The following XPOT variants were observed in gnomAD, a reference collection of about 807,000 sequenced individuals.
The protein encoded by XPOT is exportin-T.
Under a neutral mutation model 128.2 loss-of-function variants are expected in XPOT, and 34 were observed. That is an observed-to-expected ratio of 0.27 (90% CI 0.20 to 0.35). XPOT has a LOEUF of 0.35. XPOT is among the 10% of genes least tolerant of loss of function. The pLI is 1.00. For missense variants in XPOT, 838 were observed against 1,125.3 expected (o/e 0.74, Z 3.65); for synonymous variants, 348 against 394.3 (o/e 0.88, Z 1.39).
At chr12:64,432,454 C>G (rs2040248013) in intron 18 of XPOT, among the ~76,000 whole-genome samples, 1 of 152,120 alleles carries the variant, frequency 6.6e-6, no homozygotes, top group African/African-American at 2.4e-5. Context: ...CCATGTTGAC[C>G]AGGCTAATCT....
rs943059117 is a variant in XPOT at position 64,449,170 on chromosome 12, G to A, written c.*1039G>A. 2.7e-4 allele frequency: 40 copies of A among 149,538 alleles called. No homozygotes were observed. Among genetic ancestry groups the A allele is most frequent in the African/African-American group, 9.6e-4 (39 of 40,478 alleles). The allele number at this position is 149,538 out of a possible 1,614,324, so 9.3% of individuals were successfully genotyped here. ...AGATTGTGCCACTGCACGCCAGCCT[G>A]GGCAAGAGAGTAAGACTCTCTCTCA... On this transcript the variant is annotated 3_prime_UTR_variant, in exon 25 of 25. Transcript: ENST00000332707.
chr12:64,445,481 G>C (rs960011457), intron 24 of XPOT, among the ~76,000 whole-genome samples: 2 of 151,968 alleles, frequency 1.3e-5, no homozygotes, highest in Middle Eastern at 3.2e-3. Flanking sequence ...TGAAACATTT[G>C]AACTGTAAAA....
intron 15 of XPOT, 125 bp downstream of exon 15, chr12:64,426,034 T>C: frequency 2.3e-6 from 2 of 855,142 alleles, no homozygotes; most frequent in Non-Finnish European, 3.8e-6. Flanking sequence ...AAAGAAAATG[T>C]AGGCCAGGTA....
chr12:64,434,740 GAATT>G (rs1221355494), intron 20 of XPOT, 50 bp from the exon 21 acceptor site: 12 of 1,573,676 alleles, frequency 7.6e-6, no homozygotes, highest in Non-Finnish European at 1.0e-5. Context: ...CCCTGGTGAT[GAATT>G]AATTGACTTA....
At chr12:64,439,346 G>A (rs753947892) in intron 23 of XPOT, 31 bp downstream of exon 23, 13 of 1,587,722 alleles carry the variant, frequency 8.2e-6, no homozygotes, top group East Asian at 2.2e-5. Flanking sequence ...TTGTGTAGGC[G>A]AGAGATCACA....
Position 64,445,061 on chromosome 12 carries a change from TC to T in XPOT, c.2806-10del. On this transcript the variant is annotated splice_polypyrimidine_tract_variant and intron_variant, in intron 23 of 24. Coordinates refer to ENST00000332707, the MANE Select transcript of XPOT (RefSeq NM_007235.6). ...ACATTTGTTCTTTTTCTCCCTCTTT[TC>T]CCCACCCCCCAGGAGTTTTGTCAAG... 6.3e-7 allele frequency: 1 copy of T among 1,599,216 alleles called. No individual in the cohort carries two copies. Among genetic ancestry groups the T allele is most frequent in the South Asian group, 1.1e-5 (1 of 87,926 alleles).
At chr12:64,414,832 G>C (rs1271729371) in intron 2 of XPOT, 75 bp from the exon 3 acceptor site, 2 of 908,080 alleles carry the variant, frequency 2.2e-6, no homozygotes, top group Non-Finnish European at 3.7e-6. Context: ...GCAACTCTCA[G>C]AATATTTTGT....
In XPOT at chr12:64,420,541, A is replaced by G; in HGVS notation, c.843+20A>G. 1 of 1,588,248 alleles carries G rather than the reference A, an allele frequency of 6.3e-7. No homozygotes were observed. Among genetic ancestry groups the G allele is most frequent in the Non-Finnish European group, 8.6e-7 (1 of 1,165,892 alleles). On this transcript the variant is annotated intron_variant, in intron 8 of 24. Transcript: ENST00000332707. ...GACCAGGTTGGTAAATTTATATAAAACATTGTATGTAAAGTTGTTAGAACA... is the reference window on the plus strand; with the variant it reads ...GACCAGGTTGGTAAATTTATATAAAGCATTGTATGTAAAGTTGTTAGAACA...
intron 2 of XPOT, among the ~76,000 whole-genome samples, chr12:64,410,967 C>G (rs2040033393): frequency 6.6e-6 from 1 of 152,030 alleles, no homozygotes; most frequent in African/African-American, 2.4e-5. Flanking sequence ...AACAATCTCA[C>G]TAAAAATTAT....
chr12:64,410,780 T>C (rs2040030923), intron 2 of XPOT, among the ~76,000 whole-genome samples: 1 of 152,172 alleles, frequency 6.6e-6, no homozygotes, highest in Non-Finnish European at 1.5e-5. Context: ...TAATGTAGCC[T>C]ACAACTATAA....
chr12:64,440,757 G>T (rs2040318329), intron 23 of XPOT, among the ~76,000 whole-genome samples: 1 of 152,074 alleles, frequency 6.6e-6, no homozygotes, highest in African/African-American at 2.4e-5. Context: ...TGTATTTGGA[G>T]AAGTCTATTC....
In XPOT at chr12:64,421,404, A is replaced by G; in HGVS notation, c.1013A>G (p.His338Arg). 6.2e-7 allele frequency: 1 copy of G among 1,614,102 alleles called. No individual in the cohort carries two copies. The highest frequency in any genetic ancestry group is 8.5e-7 in the Non-Finnish European group (1 of 1,179,970). Residue 338 changes from histidine to arginine, a missense_variant, in exon 9 of 25, where the codon CAT (histidine) becomes CGT (arginine). Physicochemically the swap from His to Arg is conservative, Grantham distance 29. Coordinates refer to ENST00000332707, the MANE Select transcript of XPOT (RefSeq NM_007235.6). ...GCACTGATGTTGCAGCTACTAATTC[A>G]TGAGGATGATGATATTTCTTCTAAT... ...KVALMLQLLI[H>R]EDDDISSNII...
intron 15 of XPOT, 67 bp from the exon 16 acceptor site, chr12:64,427,984 G>A (rs879022837): frequency 9.5e-7 from 1 of 1,053,458 alleles, no homozygotes; most frequent in Non-Finnish European, 1.4e-6. Flanking sequence ...CTTAAAGGGG[G>A]AATTTGGTAT....
rs2040394506 is a variant in XPOT, at chr12:64,449,657, T to C, written c.*1526T>C. 6.6e-6 allele frequency: 1 copy of C among 152,220 alleles called. No homozygotes were observed. Among genetic ancestry groups the C allele is most frequent in the African/African-American group, 2.4e-5 (1 of 41,464 alleles). The allele number at this position is 152,220 out of a possible 1,614,324, so 9.4% of individuals were successfully genotyped here. A position where few individuals can be genotyped will look rare whatever the true frequency, so the allele number is the denominator to read the frequency against. ...CATTTCAAACATTTTTCTTACACCA[T>C]ATAATAAAAATACTTAACTAAATTG... On this transcript the variant is annotated 3_prime_UTR_variant, in exon 25 of 25. Coordinates refer to ENST00000332707, the MANE Select transcript of XPOT (RefSeq NM_007235.6).
chr12:64,421,577 T>C, intron 9 of XPOT, 106 bp downstream of exon 9: 1 of 707,188 alleles, frequency 1.4e-6, no homozygotes, highest in Non-Finnish European at 2.4e-6. Flanking sequence ...ATAATTCTAC[T>C]ACCTAAAGAT....
In XPOT at chr12:64,448,375, G is replaced by A. The variant is rs1353569944; in HGVS notation, c.*244G>A. On this transcript the variant is annotated 3_prime_UTR_variant, in exon 25 of 25. Coordinates refer to ENST00000332707, the MANE Select transcript of XPOT (RefSeq NM_007235.6). Reference sequence around the variant, plus strand: ...AAAGATGCTCTTAAAAGACACAAGAGTTATCCTAGAACCTTAATTCTTTTT... The same window carrying A: ...AAAGATGCTCTTAAAAGACACAAGAATTATCCTAGAACCTTAATTCTTTTT... The A allele has an allele frequency of 4.2e-6, 2 of 474,198 alleles. No homozygotes were observed. The highest frequency in any genetic ancestry group is 6.6e-5 in the East Asian group (2 of 30,160). 29.4% of individuals were successfully genotyped at this position (474,198 alleles called of 1,614,324 possible). A position where few individuals can be genotyped will look rare whatever the true frequency, so the allele number is the denominator to read the frequency against.
In XPOT at chr12:64,450,116, A is replaced by T. The variant is rs2040398066; in HGVS notation, c.*1985A>T. 6.6e-6 allele frequency: 1 copy of T among 152,146 alleles called. No homozygotes were observed. Among genetic ancestry groups the T allele is most frequent in the South Asian group, 2.1e-4 (1 of 4,822 alleles). 9.4% of individuals were successfully genotyped at this position (152,146 alleles called of 1,614,324 possible). A position where few individuals can be genotyped will look rare whatever the true frequency, so the allele number is the denominator to read the frequency against. ...TAGTAGTTTATATGGATGCTATCTC[A>T]TATTAGCATATATGGAATTAATAGT... is the stretch of plus-strand genomic sequence containing the variant. On this transcript the variant is annotated 3_prime_UTR_variant, in exon 25 of 25. Coordinates refer to ENST00000332707, the MANE Select transcript of XPOT (RefSeq NM_007235.6).
chr12:64,431,955 A>G (rs951154680), intron 18 of XPOT, 132 bp downstream of exon 18: 2 of 895,344 alleles, frequency 2.2e-6, no homozygotes, highest in Non-Finnish European at 3.4e-6. Flanking sequence ...CTCATGGATC[A>G]TATGTATTTT....
intron 6 of XPOT, 60 bp downstream of exon 6, chr12:64,419,154 A>G (rs2040115888): frequency 3.6e-6 from 5 of 1,385,254 alleles, no homozygotes; most frequent in African/African-American, 1.4e-5. Context: ...GATAATGGGC[A>G]CATAATAAAA....
Sources: allele counts gnomAD v4.1 joint callset (sites outside exome capture counted in the v4.1 genomes callset), GRCh38; gene constraint gnomAD v4.1.1; transcripts MANE v1.5; gene names NCBI Gene and HGNC (gene_info 2026-07-23, HGNC 2026-07-21).